ZNF609: variants seen among roughly 807,000 people sequenced by gnomAD.
ZNF609 encodes zinc finger protein 609.
A neutral mutation model predicts 109.5 loss-of-function variants in ZNF609; 11 were observed. That is an observed-to-expected ratio of 0.10 (90% CI 0.06 to 0.17). The LOEUF is 0.17. ZNF609 is among the 10% of genes least tolerant of loss of function. ZNF609 has a pLI of 1.00. For missense variants in ZNF609, 1,559 were observed against 1,772.4 expected (o/e 0.88, Z 2.16); for synonymous variants, 646 against 662.0 (o/e 0.98, Z 0.37).
chr15:64,566,091 T>C (rs1398397502), intron 2 of ZNF609, among the ~76,000 whole-genome samples: 1 of 152,088 alleles, frequency 6.6e-6, no homozygotes, highest in African/African-American at 2.4e-5. Flanking sequence ...CTCAAGCAGT[T>C]CTCCCGCCTC....
At chr15:64,606,659 C>A (rs1444572279) in intron 2 of ZNF609, among the ~76,000 whole-genome samples, 2 of 152,072 alleles carry the variant, frequency 1.3e-5, no homozygotes, top group African/African-American at 4.8e-5. Flanking sequence ...AGTCCTCCAA[C>A]CTTGGCCTAC....
intron 2 of ZNF609, among the ~76,000 whole-genome samples, chr15:64,544,858 A>C (rs1201525909): frequency 6.6e-6 from 1 of 152,190 alleles, no homozygotes; most frequent in Non-Finnish European, 1.5e-5. Flanking sequence ...CTGGATTCCA[A>C]GTCAGTGCTT....
At chr15:64,625,689 G>A (rs1397035045) in intron 3 of ZNF609, among the ~76,000 whole-genome samples, 2 of 151,398 alleles carry the variant, frequency 1.3e-5, no homozygotes, top group African/African-American at 4.9e-5. Context: ...AGGAGATGGA[G>A]ACCATCCTGG....
chr15:64,509,439 TCTTAG>T, intron 2 of ZNF609, among the ~76,000 whole-genome samples: 1 of 152,346 alleles, frequency 6.6e-6, no homozygotes. Flanking sequence ...ATGTTACTGT[TCTTAG>T]CTTTGAGGTG....
intron 2 of ZNF609, among the ~76,000 whole-genome samples, chr15:64,555,182 T>A (rs1235771402): frequency 6.6e-6 from 1 of 151,802 alleles, no homozygotes; most frequent in East Asian, 1.9e-4. Flanking sequence ...CTAGGCAACC[T>A]AGTGATACCT....
At chr15:64,506,998 G>A (rs78929097) in intron 2 of ZNF609, among the ~76,000 whole-genome samples, 1,975 of 152,240 alleles carry the variant, frequency 0.013, 33 homozygotes, top group African/African-American at 0.046. Context: ...TTTTCATGGT[G>A]GTGATGTGTT....
At chr15:64,601,702 G>C (rs1895500752) in intron 2 of ZNF609, among the ~76,000 whole-genome samples, 1 of 152,150 alleles carries the variant, frequency 6.6e-6, no homozygotes, top group African/African-American at 2.4e-5. Context: ...TCTGCTAAAT[G>C]GGAGCATACC....
At chr15:64,627,038 G>T (rs1161301665) in intron 3 of ZNF609, among the ~76,000 whole-genome samples, 1 of 152,040 alleles carries the variant, frequency 6.6e-6, no homozygotes, top group East Asian at 1.9e-4. Context: ...GCAAAACCCC[G>T]TCTCTACTAA....
intron 2 of ZNF609, among the ~76,000 whole-genome samples, chr15:64,582,505 A>G (rs886411524): frequency 2.6e-5 from 4 of 152,124 alleles, no homozygotes; most frequent in Non-Finnish European, 5.9e-5. Flanking sequence ...TCCCTACTGA[A>G]CTTGTATTCA....
chr15:64,662,177 G>C (rs556670388), intron 3 of ZNF609, among the ~76,000 whole-genome samples: 1 of 152,290 alleles, frequency 6.6e-6, no homozygotes, highest in South Asian at 2.1e-4. Context: ...CTGCTTAAGT[G>C]TTCTCACAAA....
intron 2 of ZNF609, among the ~76,000 whole-genome samples, chr15:64,554,752 C>A (rs1231008108): frequency 6.6e-6 from 1 of 152,114 alleles, no homozygotes; most frequent in Non-Finnish European, 1.5e-5. Context: ...CTCACTTGAT[C>A]ATGATTTATT....
intron 3 of ZNF609, among the ~76,000 whole-genome samples, chr15:64,659,068 G>A (rs964627936): frequency 1.5e-4 from 23 of 151,898 alleles, no homozygotes; most frequent in African/African-American, 5.3e-4. Flanking sequence ...GTGCTTTTTC[G>A]TTTCTCTCTC....
rs34102315 is a variant in ZNF609, at chr15:64,650,417, C to CAAA, written c.974-19915_974-19913dup. ...GGGCAACAGAGTCAGGCTCCATCTC[C>CAAA]AAAAAAAAAAAAAAAATTGTAAAAA... On this transcript the variant is annotated intron_variant, in intron 3 of 9. Coordinates refer to ENST00000326648, the MANE Select transcript of ZNF609 (RefSeq NM_015042.2). 4.4e-3 allele frequency among the ~76,000 whole-genome samples: 545 copies of CAAA among 124,174 alleles called. 8 individuals are homozygous for CAAA. Among genetic ancestry groups the CAAA allele is most frequent in the Middle Eastern group, 8.0e-3 (2 of 250 alleles). The allele number at this position is 124,174 out of a possible 152,430, so 81.5% of individuals were successfully genotyped here.
chr15:64,603,997 CAAAAAA>C (rs34675102), intron 2 of ZNF609, among the ~76,000 whole-genome samples: 1 of 65,204 alleles, frequency 1.5e-5, no homozygotes. Flanking sequence ...GACTCCGTCT[CAAAAAA>C]AAAAAAAAAA....
At chr15:64,491,927 T>C (rs1893418620) in intron 1 of ZNF609, among the ~76,000 whole-genome samples, 1 of 151,510 alleles carries the variant, frequency 6.6e-6, no homozygotes, top group African/African-American at 2.4e-5. Flanking sequence ...AGTCTGTCAG[T>C]CACGACAGTA....
At chr15:64,491,336 A>T (rs1331064801) in intron 1 of ZNF609, among the ~76,000 whole-genome samples, 1 of 152,208 alleles carries the variant, frequency 6.6e-6, no homozygotes, top group Non-Finnish European at 1.5e-5. Flanking sequence ...GCTAAGTATG[A>T]ATTGATTTCA....
chr15:64,582,798 A>C (rs8041237), intron 2 of ZNF609, among the ~76,000 whole-genome samples: 111,733 of 128,108 alleles, frequency 0.87, 49,611 homozygotes, highest in East Asian at 0.96. Flanking sequence ...GTCACCCAGG[A>C]TGGAGTGCAG....
At position 64,497,114 on chromosome 15, in the gene ZNF609, C is replaced by A. The variant is rs375510230; in HGVS notation, c.-127-2179C>A. ...ACAGGCATGAGCCACCATGCCTGGC[C>A]TAGAGTTATCATTTCATAAGAGATT... On this transcript the variant is annotated intron_variant, in intron 1 of 9. Coordinates refer to ENST00000326648, the MANE Select transcript of ZNF609 (RefSeq NM_015042.2). 9.2e-5 allele frequency among the ~76,000 whole-genome samples: 14 copies of A among 152,282 alleles called. No homozygotes were observed. The South Asian group carries it at 1.4e-3, about 16-fold the overall frequency.
At chr15:64,634,606 CAT>C (rs1896143617) in intron 3 of ZNF609, among the ~76,000 whole-genome samples, 2 of 152,306 alleles carry the variant, frequency 1.3e-5, no homozygotes, top group South Asian at 4.1e-4. Context: ...TTTTCTTTCT[CAT>C]ATGCTATAAT....
Sources: gnomAD v4.1 joint callset for allele counts (sites outside exome capture counted in the v4.1 genomes callset) on GRCh38, gnomAD v4.1.1 for gene constraint, MANE v1.5 for transcripts, NCBI Gene and HGNC (gene_info 2026-07-23, HGNC 2026-07-21) for gene names.